The following C3orf49 variants were observed in gnomAD, a reference collection of about 807,000 sequenced individuals.
C3orf49 encodes putative uncharacterized protein C3orf49.
C3orf49 carries 27 observed loss-of-function variants against 13.3 expected under a neutral mutation model. That is an observed-to-expected ratio of 2.02 (90% CI 1.49 to 2.79). C3orf49 has a LOEUF of 2.79. Among genes scored for constraint, C3orf49 ranks in the 30% most tolerant of loss-of-function variants. The probability of loss-of-function intolerance (pLI) is 0.00; values close to 1 mark genes in which losing one functional copy is unlikely to be tolerated. For synonymous variants in C3orf49, 87 were observed against 47.6 expected (o/e 1.83, Z -3.40); for missense variants, 242 against 134.2 (o/e 1.80, Z -3.97).
At chr3:63,803,111 T>G in the C3orf49 span, among the ~76,000 whole-genome samples, 1 of 152,220 alleles carries the variant, frequency 6.6e-6, no homozygotes, top group Non-Finnish European at 1.5e-5. Context: ...CTCCTGCCCC[T>G]TTTAAATCTG....
At chr3:63,826,973 T>C (rs576844281) in intron 2 of C3orf49, 2 of 151,656 alleles carry the variant, frequency 1.3e-5, no homozygotes, top group East Asian at 3.9e-4. Flanking sequence ...AAAAAGAGAG[T>C]AACCTCAGGT....
chr3:63,788,177 G>T, the C3orf49 span, among the ~76,000 whole-genome samples: 3 of 152,182 alleles, frequency 2.0e-5, no homozygotes, highest in Non-Finnish European at 4.4e-5. Flanking sequence ...TGCTCAGGTT[G>T]TTCCTTAATG....
At chr3:63,811,257 A>G in the C3orf49 span, among the ~76,000 whole-genome samples, 2 of 152,226 alleles carry the variant, frequency 1.3e-5, no homozygotes, top group African/African-American at 4.8e-5. Flanking sequence ...ACTAAAAATA[A>G]TAAAAATAGA....
chr3:63,787,536 C>A, the C3orf49 span, among the ~76,000 whole-genome samples: 1 of 152,048 alleles, frequency 6.6e-6, no homozygotes, highest in Admixed American at 6.6e-5. Flanking sequence ...ATTCAATACC[C>A]TTTTTTAAAA....
intron 5 of C3orf49, chr3:63,836,467 AGAAATGAAATCACT>A (rs1701637152): frequency 1.0e-6 from 1 of 987,710 alleles, no homozygotes; most frequent in Non-Finnish European, 1.5e-6. Flanking sequence ...TAGTACATCA[AGAAATGAAATCACT>A]GAAAGATGAG....
At chr3:63,835,079 A>T in intron 5 of C3orf49, 1 of 1,424,010 alleles carries the variant, frequency 7.0e-7, no homozygotes, top group Non-Finnish European at 9.7e-7. Context: ...TCCAAGATGT[A>T]TATTTCAAAA....
At chr3:63,794,525 G>A in the C3orf49 span, among the ~76,000 whole-genome samples, 6 of 151,842 alleles carry the variant, frequency 4.0e-5, no homozygotes, top group Non-Finnish European at 7.4e-5. Flanking sequence ...AAAATTCTTC[G>A]AAAGTTGTCT....
intron 5 of C3orf49, among the ~76,000 whole-genome samples, chr3:63,843,849 C>T (rs979115459): frequency 5.9e-5 from 9 of 151,532 alleles, no homozygotes; most frequent in South Asian, 2.1e-4. Flanking sequence ...TGCAGTGAAC[C>T]GAGATCACGC....
chr3:63,785,065 CTTTTTTTTTT>C, the C3orf49 span, among the ~76,000 whole-genome samples: 6 of 64,944 alleles, frequency 9.2e-5, no homozygotes, highest in Admixed American at 7.7e-4. Flanking sequence ...TCTTCTTCTT[CTTTTTTTTTT>C]TTTTTTTTTT....
At chr3:63,829,277 A>G (rs1264010364) in intron 3 of C3orf49, among the ~76,000 whole-genome samples, 2 of 152,208 alleles carry the variant, frequency 1.3e-5, no homozygotes, top group Non-Finnish European at 2.9e-5. Flanking sequence ...ACAGTCAAAT[A>G]GAGGAGATAG....
At chr3:63,825,982 A>AG (rs1166009978) in intron 2 of C3orf49, among the ~76,000 whole-genome samples, 1 of 152,168 alleles carries the variant, frequency 6.6e-6, no homozygotes, top group Non-Finnish European at 1.5e-5. Context: ...CACAAGGTGG[A>AG]GGGGGGAGAA....
the C3orf49 span, among the ~76,000 whole-genome samples, chr3:63,811,754 A>G: frequency 6.6e-6 from 1 of 151,828 alleles, no homozygotes; most frequent in East Asian, 1.9e-4. Flanking sequence ...TCATAGCTGT[A>G]TTACAAAGAC....
the C3orf49 span, among the ~76,000 whole-genome samples, chr3:63,806,331 C>T: frequency 6.6e-6 from 1 of 152,244 alleles, no homozygotes; most frequent in African/African-American, 2.4e-5. Flanking sequence ...TTACCCCACT[C>T]TGGGTGTTTC....
At chr3:63,790,440 A>G in the C3orf49 span, among the ~76,000 whole-genome samples, 1 of 152,210 alleles carries the variant, frequency 6.6e-6, no homozygotes, top group African/African-American at 2.4e-5. Context: ...TATACAATAG[A>G]ACCACCTGGA....
chr3:63,791,966 G>A, the C3orf49 span, among the ~76,000 whole-genome samples: 5 of 152,138 alleles, frequency 3.3e-5, no homozygotes, highest in South Asian at 2.1e-4. Context: ...ATTTCTTTTC[G>A]TATATCCTTC....
intron 5 of C3orf49, among the ~76,000 whole-genome samples, chr3:63,833,292 T>C (rs1241217020): frequency 4.6e-5 from 7 of 151,990 alleles, no homozygotes; most frequent in African/African-American, 9.7e-5. Context: ...AGAGATGGGG[T>C]TTCTCCATGT....
chr3:63,807,977 T>C, the C3orf49 span, among the ~76,000 whole-genome samples: 1 of 151,496 alleles, frequency 6.6e-6, no homozygotes, highest in African/African-American at 2.4e-5. Flanking sequence ...TGTCAAAATT[T>C]GAGAAAGTTC....
At chr3:63,827,266 A>G (rs1701475102) in intron 2 of C3orf49, 1 of 180,046 alleles carries the variant, frequency 5.6e-6, no homozygotes. Flanking sequence ...CACAATGAAT[A>G]CCCAAGGGAG....
chr3:63,795,344 G>A, the C3orf49 span, among the ~76,000 whole-genome samples: 6 of 152,152 alleles, frequency 3.9e-5, no homozygotes, highest in Admixed American at 1.3e-4. Context: ...CCCTTGAGCT[G>A]CTGCTCAGGT....
Sources: allele counts gnomAD v4.1 joint callset (sites outside exome capture counted in the v4.1 genomes callset), GRCh38; gene constraint gnomAD v4.1.1; transcripts MANE v1.5; gene names NCBI Gene and HGNC (gene_info 2026-07-23, HGNC 2026-07-21).